The following NSD1 variants were observed in gnomAD, a reference collection of about 807,000 sequenced individuals.
NSD1 encodes the protein histone-lysine N-methyltransferase, H3 lysine-36 specific.
NSD1 carries 26 observed loss-of-function variants against 242.7 expected under a neutral mutation model. The observed-to-expected ratio is 0.11, with a 90% confidence interval of 0.08 to 0.15. The LOEUF (loss-of-function observed/expected upper bound fraction) is 0.15. NSD1 is among the 10% of genes least tolerant of loss of function. The pLI is 1.00. For synonymous variants in NSD1, 1,106 were observed against 1,178.1 expected, an observed-to-expected ratio of 0.94 and a Z score of 1.25; for missense variants, 2,495 against 3,272.8, an observed-to-expected ratio of 0.76 and a Z score of 5.80.
intron 2 of NSD1, among the ~76,000 whole-genome samples, chr5:177,176,871 C>A (rs943243879): frequency 6.6e-6 from 1 of 152,032 alleles, no homozygotes; most frequent in Non-Finnish European, 1.5e-5. Flanking sequence ...GGCAGATATC[C>A]ATTTCTTGGG....
chr5:177,265,438 C>T (rs1232611908), intron 14 of NSD1: 1 of 610,600 alleles, frequency 1.6e-6, no homozygotes, highest in African/African-American at 1.9e-5. Context: ...ATGATGTGCC[C>T]TCCCCATCCC....
At chr5:177,220,820 C>A (rs1764176934) in intron 5 of NSD1, among the ~76,000 whole-genome samples, 1 of 151,984 alleles carries the variant, frequency 6.6e-6, no homozygotes, top group Admixed American at 6.6e-5. Flanking sequence ...ATCCACCTGC[C>A]TTAGCTTCTC....
At chr5:177,139,444 C>CAA (rs1281688922) in intron 2 of NSD1, among the ~76,000 whole-genome samples, 3 of 59,512 alleles carry the variant, frequency 5.0e-5, no homozygotes, top group African/African-American at 1.3e-4. Flanking sequence ...GACTCCATCT[C>CAA]AAAAAAAAAA....
intron 2 of NSD1, among the ~76,000 whole-genome samples, chr5:177,172,680 C>T (rs75444064): frequency 3.9e-5 from 6 of 152,136 alleles, no homozygotes; most frequent in African/African-American, 1.2e-4. Flanking sequence ...ATTTTGAGGC[C>T]GGGTATGGTG....
Position 177,158,998 on chromosome 5 carries a change from T to TTATATATATATATATATGAATGATATATA in NSD1, c.927+22985_927+22986insGAATGATATATATATATATATATATATAT, listed in dbSNP as rs1183569859. ...TATACACACATATATATGAATGATT[T>TTATATATATATATATATGAATGATATATA]TATATATATATATATATATATATAT... On this transcript the variant is annotated intron_variant, in intron 2 of 22. Transcript: ENST00000439151. 7.3e-4 allele frequency among the ~76,000 whole-genome samples: 90 copies of TTATATATATATATATATGAATGATATATA among 122,596 alleles called. 1 individual carries two copies. Among genetic ancestry groups the TTATATATATATATATATGAATGATATATA allele is most frequent in the Middle Eastern group, 4.1e-3 (1 of 246 alleles). 80.4% of individuals were successfully genotyped at this position (122,596 alleles called of 152,430 possible). A position where few individuals can be genotyped will look rare whatever the true frequency, so the allele number is the denominator to read the frequency against.
intron 5 of NSD1, among the ~76,000 whole-genome samples, chr5:177,220,563 C>CTTTTTTT (rs869220346): frequency 1.3e-4 from 11 of 84,354 alleles, no homozygotes; most frequent in African/African-American, 2.3e-4. Flanking sequence ...ATAGTAATTG[C>CTTTTTTT]TTTTTTTTTT....
chr5:177,175,738 T>A (rs1760138240), intron 2 of NSD1, among the ~76,000 whole-genome samples: 1 of 152,146 alleles, frequency 6.6e-6, no homozygotes, highest in Admixed American at 6.6e-5. Context: ...ATATGGAAAA[T>A]AATACTTTGT....
Position 177,238,544 on chromosome 5 carries a change from A to G in NSD1, c.4192+37A>G. ...TTGGGGTCTCAGTATTTGAGCAGAT[A>G]TGATTAGAGGAAGCAGGAGATTTTA... On this transcript the variant is annotated intron_variant, in intron 7 of 22. Coordinates refer to ENST00000439151, the MANE Select transcript of NSD1 (RefSeq NM_022455.5). This position sits in a 1 kb window ranked among gnomAD's most constrained non-coding sequence, Gnocchi z 4.6. 1 of 1,605,200 alleles carries G rather than the reference A, an allele frequency of 6.2e-7. No individual in the cohort carries two copies. Among genetic ancestry groups the G allele is most frequent in the Non-Finnish European group, 8.5e-7 (1 of 1,178,146 alleles).
Position 177,211,770 on chromosome 5 carries a change from AAAAAGGACTCTCTTTTGAAAACGG to A in NSD1, c.3378_3401del (p.Leu1127_Gly1134del). 6.2e-7 allele frequency: 1 copy of A among 1,614,138 alleles called. No homozygotes were observed. Among genetic ancestry groups the A allele is most frequent in the Non-Finnish European group, 8.5e-7 (1 of 1,180,016 alleles). On this transcript the variant is annotated inframe_deletion, in exon 5 of 23. Coordinates refer to ENST00000439151, the MANE Select transcript of NSD1 (RefSeq NM_022455.5). ...CAATCTGATCCTGGTAAAATTTCTG[AAAAAGGACTCTCTTTTGAAAACGG>A]AAAAGGCCCAGAGCTGGACTCTGTA...
intron 5 of NSD1, among the ~76,000 whole-genome samples, chr5:177,231,944 G>A (rs1765090826): frequency 6.6e-6 from 1 of 151,846 alleles, no homozygotes; most frequent in South Asian, 2.1e-4. Context: ...GTGTCATTCA[G>A]GCTTGAGTGT....
chr5:177,246,459 A>G (rs944631059), intron 9 of NSD1, among the ~76,000 whole-genome samples: 3 of 152,200 alleles, frequency 2.0e-5, no homozygotes, highest in Admixed American at 6.5e-5. Context: ...TACACTTACT[A>G]TTTAATCTAT....
chr5:177,150,547 GT>G (rs200260926), intron 2 of NSD1, among the ~76,000 whole-genome samples: 3 of 146,610 alleles, frequency 2.0e-5, no homozygotes, highest in Admixed American at 6.7e-5. Flanking sequence ...GTTTTTTGCT[GT>G]TATTATTAAT....
At chr5:177,199,482 A>C (rs115788448) in intron 3 of NSD1, among the ~76,000 whole-genome samples, 3,869 of 152,242 alleles carry the variant, frequency 0.025, 50 homozygotes, top group African/African-American at 0.029. Context: ...GTCTTGAACT[A>C]CTGGGCTCAA....
intron 16 of NSD1, 74 bp from the exon 17 acceptor site, chr5:177,273,598 A>T (rs1758118862): frequency 8.3e-7 from 1 of 1,201,804 alleles, no homozygotes; most frequent in South Asian, 1.2e-5. Flanking sequence ...AAGGGGAAAA[A>T]GTAAAAAATA....
chr5:177,171,448 T>C (rs762152855), intron 2 of NSD1, among the ~76,000 whole-genome samples: 11 of 152,224 alleles, frequency 7.2e-5, no homozygotes, highest in Non-Finnish European at 1.5e-4. Context: ...ATATAATATG[T>C]AGACTTTTGT....
intron 5 of NSD1, 71 bp downstream of exon 5, chr5:177,212,266 T>C (rs542515547): frequency 2.7e-6 from 4 of 1,491,760 alleles, no homozygotes; most frequent in East Asian, 2.4e-5. Context: ...CCTTCTGAAA[T>C]TGGTCTGTTG....
chr5:177,267,417 T>C (rs962548787), intron 14 of NSD1, 145 bp from the exon 15 acceptor site: 8 of 726,718 alleles, frequency 1.1e-5, no homozygotes, highest in African/African-American at 9.0e-5. Context: ...GTTTATACTC[T>C]GGTCATTATG....
Position 177,298,799 on chromosome 5 carries a change from T to C in NSD1, c.*3340T>C, listed in dbSNP as rs770565468. The C allele has an allele frequency of 3.0e-4, 70 of 233,200 alleles. No homozygotes were observed. Among genetic ancestry groups the C allele is most frequent in the Middle Eastern group, 1.3e-3 (1 of 786 alleles). The allele number at this position is 233,200 out of a possible 1,614,324, so 14.4% of individuals were successfully genotyped here. A position where few individuals can be genotyped will look rare whatever the true frequency, so the allele number is the denominator to read the frequency against. On this transcript the variant is annotated 3_prime_UTR_variant, in exon 23 of 23. Coordinates refer to ENST00000439151, the MANE Select transcript of NSD1 (RefSeq NM_022455.5). The stretch of plus-strand genomic sequence containing the variant: ...GGCAGAAAGTTTAGTCCTGACAGAT[T>C]CCCCCATAGGGAGTAATGAGGACAG...
At position 177,204,105 on chromosome 5, in the gene NSD1, C is replaced by G; in HGVS notation, c.1064-15C>G. The G allele has an allele frequency of 6.2e-7, 1 of 1,613,074 alleles. No individual in the cohort carries two copies. Among genetic ancestry groups the G allele is most frequent in the Non-Finnish European group, 8.5e-7 (1 of 1,179,172 alleles). The stretch of plus-strand genomic sequence containing the variant: ...TCTTTGATCTAATGATTCTGGTTCT[C>G]TTACCCTTACCTAGTTTCCAACCGG... On this transcript the variant is annotated splice_polypyrimidine_tract_variant and intron_variant, in intron 3 of 22. Coordinates refer to ENST00000439151, the MANE Select transcript of NSD1 (RefSeq NM_022455.5).
Sources: gnomAD v4.1 joint callset for allele counts (sites outside exome capture counted in the v4.1 genomes callset) on GRCh38, gnomAD v4.1.1 for gene constraint, Gnocchi (gnomAD v3.1) non-coding constraint, MANE v1.5 for transcripts, NCBI Gene and HGNC (gene_info 2026-07-23, HGNC 2026-07-21) for gene names.